Variants in SLA observed in about 807,000 individuals in gnomAD.
The protein encoded by SLA is src-like-adapter.
In SLA, 16 loss-of-function variants were observed where a neutral mutation model predicts 30.3. The observed-to-expected ratio is 0.53, with a 90% CI of 0.36 to 0.80. The LOEUF is 0.80. SLA is among the 30% of genes least tolerant of loss of function. SLA has a pLI of 0.01. For synonymous variants in SLA, 143 were observed against 137.8 expected (o/e 1.04, Z -0.26); for missense variants, 310 against 345.2 (o/e 0.90, Z 0.81).
chr8:133,045,072 G>T lies in SLA; in HGVS notation c.396C>A (p.Tyr132Ter), dbSNP rs779537816. ...LSVRHRQVKH[Y>*]RIFRLPNNWY... is the part of the protein sequence containing the mutation. ...AGTTGTTGGGCAGACGGAAAATGCGGTAATGCTTTACCTGCCTGTGTCTCA... is the reference window on the plus strand; with the variant it reads ...AGTTGTTGGGCAGACGGAAAATGCGTTAATGCTTTACCTGCCTGTGTCTCA... Residue 132 changes from tyrosine (Y) to a stop codon, truncating the protein, a stop_gained, in exon 7 of 9, where the codon TAC (tyrosine) becomes TAA (stop). Coordinates refer to ENST00000338087, the MANE Select transcript of SLA (RefSeq NM_001045556.3). LOFTEE classifies it high-confidence loss of function. The T allele has an allele frequency of 3.1e-6, 5 of 1,614,044 alleles. No individual in the cohort carries two copies. Among genetic ancestry groups the T allele is most frequent in the African/African-American group, 2.7e-5 (2 of 74,924 alleles).
At chr8:133,082,704 T>C (rs1845937847) in intron 1 of SLA, among the ~76,000 whole-genome samples, 1 of 152,226 alleles carries the variant, frequency 6.6e-6, no homozygotes, top group South Asian at 2.1e-4. Context: ...CAATCACTTC[T>C]AAGTGTGCTT....
At chr8:133,060,806 G>A (rs1180154298) in intron 2 of SLA, among the ~76,000 whole-genome samples, 2 of 152,170 alleles carry the variant, frequency 1.3e-5, no homozygotes, top group African/African-American at 4.8e-5. Context: ...TCATGCTTAA[G>A]CCCATTGTGC....
Position 133,050,918 on chromosome 8 carries a change from G to A in SLA, c.62-3C>T, listed in dbSNP as rs1840282124. The A allele has an allele frequency of 1.9e-6, 3 of 1,604,466 alleles. No individual in the cohort carries two copies. The highest frequency in any genetic ancestry group is 1.7e-6 in the Non-Finnish European group (2 of 1,171,476). On this transcript the variant is annotated splice_polypyrimidine_tract_variant and splice_region_variant and intron_variant, in intron 3 of 8. Coordinates refer to ENST00000338087, the MANE Select transcript of SLA (RefSeq NM_001045556.3). ...GGCAAGGAAGTCGCTATCCAGTCCT[G>A]GGGAAACAAAGGCAAGGGGGAAGGG...
chr8:133,095,179 G>A lies in SLA; in HGVS notation c.-319+7374C>T, dbSNP rs754988585. The A allele has an allele frequency of 1.3e-5, 21 of 1,614,240 alleles. No homozygotes were observed. The South Asian group carries it at 2.3e-4, about 18-fold the overall frequency. On this transcript the variant is annotated intron_variant, in intron 1 of 8. Coordinates refer to ENST00000338087, the MANE Select transcript of SLA (RefSeq NM_001045556.3). ...GGTGTCCTGCCTCCGCCAGAAGCCT[G>A]CCAATGTCCTCAATGATGCCCAGAC... is the stretch of plus-strand genomic sequence containing the variant.
chr8:133,057,183 CCTCTTCAGGTCAGGGTGATAAGAAG>C (rs1177008941), intron 3 of SLA, among the ~76,000 whole-genome samples: 58 of 145,476 alleles, frequency 4.0e-4, no homozygotes, highest in African/African-American at 1.5e-3. Flanking sequence ...TCTGTTGGTG[CCTCTTCAGGTCAGGGTGATAAGAAG>C]AGAAGGAACA....
At chr8:133,089,712 TA>T (rs920805106) in intron 1 of SLA, among the ~76,000 whole-genome samples, 14 of 152,312 alleles carry the variant, frequency 9.2e-5, no homozygotes, top group Non-Finnish European at 1.6e-4. Context: ...ATGCAATACA[TA>T]TTTTGAGTTC....
chr8:133,093,464 T>C (rs148651186), intron 1 of SLA, among the ~76,000 whole-genome samples: 167 of 152,306 alleles, frequency 1.1e-3, no homozygotes, highest in African/African-American at 3.9e-3. Context: ...GGAGTTTGTC[T>C]AAGCGGTTAA....
chr8:133,092,181 C>T (rs964797227), intron 1 of SLA, among the ~76,000 whole-genome samples: 3 of 152,068 alleles, frequency 2.0e-5, no homozygotes, highest in South Asian at 2.1e-4. Flanking sequence ...TCCTTGATTG[C>T]GTGAGTGTGT....
At chr8:133,060,253 G>A in intron 2 of SLA, 53 bp from the exon 3 acceptor site, 3 of 1,610,980 alleles carry the variant, frequency 1.9e-6, no homozygotes, top group South Asian at 1.1e-5. Context: ...AGCCCTCCAA[G>A]TGGAGAATGA....
intron 2 of SLA, among the ~76,000 whole-genome samples, chr8:133,069,110 G>C (rs1843555872): frequency 6.6e-6 from 1 of 152,232 alleles, no homozygotes; most frequent in Non-Finnish European, 1.5e-5. Flanking sequence ...ACTTGAGAAA[G>C]GCAGGTTTCA....
At chr8:133,071,627 G>A (rs531952274) in intron 2 of SLA, among the ~76,000 whole-genome samples, 98 of 152,158 alleles carry the variant, frequency 6.4e-4, no homozygotes, top group Non-Finnish European at 1.2e-3. Context: ...TGACTTGGAT[G>A]GCATGCAGCG....
At chr8:133,053,998 T>C (rs937071714) in intron 3 of SLA, among the ~76,000 whole-genome samples, 1 of 152,162 alleles carries the variant, frequency 6.6e-6, no homozygotes, top group Non-Finnish European at 1.5e-5. Flanking sequence ...ACTGGGAAGG[T>C]ATTACAGTTT....
intron 8 of SLA, 149 bp downstream of exon 8, chr8:133,039,849 T>C (rs1587836545): frequency 7.3e-7 from 1 of 1,372,350 alleles, no homozygotes; most frequent in Non-Finnish European, 9.8e-7. Context: ...TTGTGGGGGG[T>C]GCTCACCCCC....
intron 2 of SLA, among the ~76,000 whole-genome samples, chr8:133,065,787 A>AAAATG (rs1179316297): frequency 6.6e-6 from 1 of 152,048 alleles, no homozygotes; most frequent in Non-Finnish European, 1.5e-5. Context: ...AAAATAAAAT[A>AAAATG]AAATAAAATA....
chr8:133,042,684 T>C (rs1210044271), intron 7 of SLA, among the ~76,000 whole-genome samples: 1 of 115,452 alleles, frequency 8.7e-6, no homozygotes, highest in African/African-American at 3.9e-5. Flanking sequence ...GTGTCTTTTT[T>C]TTTTTTTTTT....
intron 2 of SLA, among the ~76,000 whole-genome samples, chr8:133,073,502 C>T (rs1293178159): frequency 6.6e-6 from 1 of 152,144 alleles, no homozygotes; most frequent in Non-Finnish European, 1.5e-5. Flanking sequence ...GCTGGGATTA[C>T]AGGCACCCGC....
intron 2 of SLA, among the ~76,000 whole-genome samples, chr8:133,063,902 C>A (rs917570675): frequency 1.3e-5 from 2 of 152,188 alleles, no homozygotes; most frequent in Non-Finnish European, 2.9e-5. Flanking sequence ...AATGGCTGAA[C>A]AATTTGATTT....
chr8:133,089,712 T>C (rs763154376), intron 1 of SLA, among the ~76,000 whole-genome samples: 21 of 152,312 alleles, frequency 1.4e-4, no homozygotes, highest in Non-Finnish European at 2.6e-4. Context: ...ATGCAATACA[T>C]ATTTTGAGTT....
At chr8:133,068,664 G>A (rs1321365195) in intron 2 of SLA, among the ~76,000 whole-genome samples, 1 of 152,222 alleles carries the variant, frequency 6.6e-6, no homozygotes, top group Non-Finnish European at 1.5e-5. Context: ...GACGCAAGGG[G>A]CTCAGTGACC....
Sources: allele counts gnomAD v4.1 joint callset (sites outside exome capture counted in the v4.1 genomes callset), GRCh38; gene constraint gnomAD v4.1.1; transcripts MANE v1.5; gene names NCBI Gene and HGNC (gene_info 2026-07-23, HGNC 2026-07-21).